The following SLC8A1 variants were observed in gnomAD, a reference collection of about 807,000 sequenced individuals.
SLC8A1 encodes sodium/calcium exchanger 1.
SLC8A1 carries 18 observed loss-of-function variants against 68.3 expected under a neutral mutation model. The ratio of observed to expected loss-of-function variants is 0.26; its 90% CI spans 0.18 to 0.39. SLC8A1 has a LOEUF of 0.39. Among genes scored for constraint, SLC8A1 ranks in the 10% least tolerant of loss-of-function variants. SLC8A1 has a pLI of 1.00. For missense variants in SLC8A1, 985 were observed against 1,156.7 expected (o/e 0.85, Z 2.15); for synonymous variants, 475 against 415.5 (o/e 1.14, Z -1.74).
At chr2:40,207,319 A>T (rs2055642698) in intron 2 of SLC8A1, among the ~76,000 whole-genome samples, 1 of 152,020 alleles carries the variant, frequency 6.6e-6, no homozygotes, top group Non-Finnish European at 1.5e-5. Flanking sequence ...TTATCCCCGA[A>T]GCAGTGTGAT....
chr2:40,416,408 T>A (rs527762183), intron 2 of SLC8A1, among the ~76,000 whole-genome samples: 95 of 152,318 alleles, frequency 6.2e-4, no homozygotes, highest in African/African-American at 2.2e-3. Context: ...TTTCAAAATG[T>A]TTCTTTTTGG....
chr2:40,361,491 C>G (rs114414508), intron 2 of SLC8A1, among the ~76,000 whole-genome samples: 3 of 149,024 alleles, frequency 2.0e-5, no homozygotes, highest in African/African-American at 7.4e-5. Flanking sequence ...TTGGAATAGT[C>G]TTAATATTAC....
chr2:40,491,564 G>T (rs1705316770), intron 1 of SLC8A1, among the ~76,000 whole-genome samples: 2 of 152,094 alleles, frequency 1.3e-5, no homozygotes, highest in African/African-American at 4.8e-5. Flanking sequence ...TCTTGTGCCA[G>T]TTTTCAAAGG....
intron 1 of SLC8A1, among the ~76,000 whole-genome samples, chr2:40,492,933 G>A (rs1183155584): frequency 6.6e-6 from 1 of 152,020 alleles, no homozygotes; most frequent in African/African-American, 2.4e-5. Context: ...GGAAGTCAGT[G>A]TGGCCATTCC....
intron 2 of SLC8A1, among the ~76,000 whole-genome samples, chr2:40,411,050 G>A (rs1691982010): frequency 6.6e-6 from 1 of 151,912 alleles, no homozygotes; most frequent in Non-Finnish European, 1.5e-5. Flanking sequence ...ATTTGATTTT[G>A]GGGCCAGCCT....
At chr2:40,138,963 C>G (rs1187335433) in intron 7 of SLC8A1, among the ~76,000 whole-genome samples, 1 of 152,106 alleles carries the variant, frequency 6.6e-6, no homozygotes, top group Non-Finnish European at 1.5e-5. Flanking sequence ...ATCAGGTCTC[C>G]AGTAAGTACG....
chr2:40,132,607 G>A (rs2039606161), intron 7 of SLC8A1, among the ~76,000 whole-genome samples: 1 of 151,760 alleles, frequency 6.6e-6, no homozygotes, highest in Non-Finnish European at 1.5e-5. Context: ...AGTTTTGAGA[G>A]TTATTAGAAG....
intron 2 of SLC8A1, among the ~76,000 whole-genome samples, chr2:40,347,561 C>A (rs1188499142): frequency 6.6e-6 from 1 of 152,122 alleles, no homozygotes; most frequent in East Asian, 1.9e-4. Flanking sequence ...AAGCATAATA[C>A]CCATTTTACA....
At chr2:40,449,531 T>C (rs1259287212) in intron 1 of SLC8A1, among the ~76,000 whole-genome samples, 2 of 152,210 alleles carry the variant, frequency 1.3e-5, no homozygotes, top group East Asian at 3.8e-4. Flanking sequence ...CTATAGATGT[T>C]ACTGACTATA....
intron 2 of SLC8A1, among the ~76,000 whole-genome samples, chr2:40,295,011 A>G (rs1323718871): frequency 6.6e-6 from 1 of 152,210 alleles, no homozygotes; most frequent in Non-Finnish European, 1.5e-5. Context: ...CTTTAGACAC[A>G]CAGCATAATA....
rs543061255 is a variant in SLC8A1, at chr2:40,268,816, C to T, written c.1809-90961G>A. Among the ~76,000 whole-genome samples, 204 of 152,178 alleles carry T rather than the reference C, an allele frequency of 1.3e-3. 3 individuals carry two copies. The South Asian group carries it at 0.041, about 31-fold the overall frequency. ...TCCAACACTTAAGGAAAAAAAGTTCCAATCACAATAAAACACATAAAACAA... is the reference window on the plus strand; with the variant it reads ...TCCAACACTTAAGGAAAAAAAGTTCTAATCACAATAAAACACATAAAACAA... On this transcript the variant is annotated intron_variant, in intron 2 of 7. Transcript: ENST00000406785.
intron 2 of SLC8A1, among the ~76,000 whole-genome samples, chr2:40,189,556 C>T (rs902797396): frequency 6.6e-6 from 1 of 152,066 alleles, no homozygotes; most frequent in South Asian, 2.1e-4. Flanking sequence ...CAGGTAATAC[C>T]ACCCACCCCA....
At chr2:40,253,775 C>G (rs560580566) in intron 2 of SLC8A1, among the ~76,000 whole-genome samples, 2 of 141,936 alleles carry the variant, frequency 1.4e-5, no homozygotes, top group East Asian at 4.2e-4. Flanking sequence ...TGCAGTGAGC[C>G]GAGATCATGC....
intron 2 of SLC8A1, among the ~76,000 whole-genome samples, chr2:40,343,197 T>C (rs1377493865): frequency 1.3e-5 from 2 of 151,792 alleles, no homozygotes; most frequent in Non-Finnish European, 2.9e-5. Flanking sequence ...CCTCTAAGAG[T>C]TTTTGCTGTG....
rs556075407 is a variant in SLC8A1 at position 40,227,723 on chromosome 2, T to C, written c.1809-49868A>G. On this transcript the variant is annotated intron_variant, in intron 2 of 7. Coordinates refer to ENST00000406785, the Ensembl canonical transcript of SLC8A1. ...CTTAAAAGTTTAATAATAATAATAA[T>C]AAATCTCCTTGATGAGGTTCTTTGG... 3.3e-5 allele frequency among the ~76,000 whole-genome samples: 5 copies of C among 152,178 alleles called. No individual in the cohort carries two copies. In the South Asian group the frequency reaches 1.0e-3, roughly 31 times the overall value.
intron 1 of SLC8A1, among the ~76,000 whole-genome samples, chr2:40,511,430 G>T (rs1706721186): frequency 6.6e-6 from 1 of 152,188 alleles, no homozygotes; most frequent in Middle Eastern, 3.4e-3. Flanking sequence ...CTACAATTTG[G>T]TAATTAGCTG....
chr2:40,171,654 C>T (rs1268135680), intron 4 of SLC8A1, among the ~76,000 whole-genome samples: 7 of 152,212 alleles, frequency 4.6e-5, no homozygotes, highest in African/African-American at 1.7e-4. Flanking sequence ...GGGATTAGAA[C>T]AGTCATCATT....
At chr2:40,325,663 C>T (rs191119943) in intron 2 of SLC8A1, among the ~76,000 whole-genome samples, 116 of 150,200 alleles carry the variant, frequency 7.7e-4, no homozygotes, top group African/African-American at 2.7e-3. Flanking sequence ...TCTCTTGGGC[C>T]GGGCGCACGC....
intron 2 of SLC8A1, among the ~76,000 whole-genome samples, chr2:40,285,732 A>G (rs919111350): frequency 5.9e-5 from 9 of 152,132 alleles, no homozygotes; most frequent in African/African-American, 2.2e-4. Context: ...GGTTTTGTTC[A>G]TTTCTCTTCA....
Sources: gnomAD v4.1 joint callset for allele counts (sites outside exome capture counted in the v4.1 genomes callset) on GRCh38, gnomAD v4.1.1 for gene constraint, MANE v1.5 for transcripts, NCBI Gene and HGNC (gene_info 2026-07-23, HGNC 2026-07-21) for gene names.